DNAH3: variants seen among roughly 807,000 people sequenced by gnomAD.
DNAH3 encodes the protein axonemal beta dynein heavy chain 3.
A neutral mutation model predicts 432.5 loss-of-function variants in DNAH3; 332 were observed. The observed-to-expected ratio is 0.77, with a 90% CI of 0.70 to 0.84. The LOEUF (loss-of-function observed/expected upper bound fraction) is 0.84. Ranked by LOEUF, DNAH3 falls within the 40% of genes least tolerant of loss-of-function variation. DNAH3 has a pLI of 0.00. For synonymous variants in DNAH3, 1,956 were observed against 1,900.2 expected (o/e 1.03, Z -0.76); for missense variants, 4,861 against 5,114.0 (o/e 0.95, Z 1.51).
At chr16:20,987,496 A>G (rs1370515577) in intron 46 of DNAH3, 48 bp from the exon 47 acceptor site, 1 of 1,609,332 alleles carries the variant, frequency 6.2e-7, no homozygotes, top group Non-Finnish European at 8.5e-7. Context: ...ATGGTCCCTG[A>G]GGTGGTAGTT....
At chr16:21,025,826 T>G (rs1290730068) in intron 38 of DNAH3, among the ~76,000 whole-genome samples, 1 of 150,610 alleles carries the variant, frequency 6.6e-6, no homozygotes, top group African/African-American at 2.4e-5. Flanking sequence ...TTTTGCCTCC[T>G]GGGTTCAAGC....
intron 14 of DNAH3, among the ~76,000 whole-genome samples, chr16:21,111,077 G>A (rs1440044066): frequency 6.6e-6 from 1 of 152,060 alleles, no homozygotes; most frequent in Non-Finnish European, 1.5e-5. Flanking sequence ...AGCTACTCAG[G>A]TGGCTGAGGC....
rs71377696 is a variant in DNAH3, at chr16:20,937,529, C to CTTT, written c.11655-679_11655-677dup. Among the ~76,000 whole-genome samples, 98 of 121,286 alleles carry CTTT rather than the reference C, an allele frequency of 8.1e-4. 1 individual carries two copies. The highest frequency in any genetic ancestry group is 2.4e-3 in the South Asian group (9 of 3,738). 79.6% of individuals were successfully genotyped at this position (121,286 alleles called of 152,430 possible). A position where few individuals can be genotyped will look rare whatever the true frequency, so the allele number is the denominator to read the frequency against. On this transcript the variant is annotated intron_variant, in intron 59 of 61. Coordinates refer to ENST00000261383, the Ensembl canonical transcript of DNAH3. The stretch of plus-strand genomic sequence containing the variant: ...TTCAATTCATATTGTCAAAGTTGTT[C>CTTT]TTTTTTTTTTTTTTTTTTTGAGACA...
intron 41 of DNAH3, among the ~76,000 whole-genome samples, chr16:21,015,667 T>C (rs1484708327): frequency 1.3e-5 from 2 of 152,232 alleles, no homozygotes; most frequent in African/African-American, 4.8e-5. Flanking sequence ...AAGTGGCATA[T>C]GGAAACTCTC....
At chr16:21,022,800 A>C (rs1420888263) in intron 39 of DNAH3, among the ~76,000 whole-genome samples, 1 of 150,862 alleles carries the variant, frequency 6.6e-6, no homozygotes, top group Non-Finnish European at 1.5e-5. Flanking sequence ...GCTGGAGTGC[A>C]ATGGTGTGAT....
intron 8 of DNAH3, 109 bp downstream of exon 9, chr16:21,127,578 G>T: frequency 7.6e-7 from 1 of 1,315,322 alleles, no homozygotes; most frequent in Non-Finnish European, 1.0e-6. Context: ...AAAAAGACAC[G>T]AAAGGATGCC....
rs752385860 is a variant in DNAH3 at position 20,964,500 on chromosome 16, T to TA, written c.9383_9384insT (p.Glu3128AspfsTer26). 1 of 1,614,186 alleles carries TA rather than the reference T, an allele frequency of 6.2e-7. No individual in the cohort carries two copies. The highest frequency in any genetic ancestry group is 8.5e-7 in the Non-Finnish European group (1 of 1,180,032). On this transcript the variant is annotated frameshift_variant, in exon 53 of 62. Coordinates refer to ENST00000261383, the Ensembl canonical transcript of DNAH3. LOFTEE classifies it high-confidence loss of function. Reference sequence around the variant, plus strand: ...AAGCATCCAGCTCTTCTCCAATGTTTTCAATCAAGACAGGGGTGCCTAACT... The same window carrying TA: ...AAGCATCCAGCTCTTCTCCAATGTTTATCAATCAAGACAGGGGTGCCTAACT...
At chr16:21,117,079 T>A in intron 12 of DNAH3, 124 bp downstream of exon 12, 1 of 637,834 alleles carries the variant, frequency 1.6e-6, no homozygotes, top group Non-Finnish European at 2.8e-6. Context: ...ATGTAAGTAT[T>A]GGCTATTCTT....
intron 58 of DNAH3, among the ~76,000 whole-genome samples, chr16:20,943,427 T>C (rs1301558203): frequency 6.6e-6 from 1 of 151,778 alleles, no homozygotes; most frequent in Non-Finnish European, 1.5e-5. Context: ...TCTCCTTATG[T>C]TGCCCAGGCT....
chr16:20,944,936 A>G (rs1596887770), intron 57 of DNAH3, among the ~76,000 whole-genome samples: 1 of 152,284 alleles, frequency 6.6e-6, no homozygotes, highest in Non-Finnish European at 1.5e-5. Context: ...CTTTGGACCC[A>G]AACAGAACTG....
chr16:21,002,965 T>TG, intron 42 of DNAH3, 139 bp downstream of exon 42: 1 of 661,660 alleles, frequency 1.5e-6, no homozygotes, highest in Non-Finnish European at 2.7e-6. Context: ...TTTTTGAAGG[T>TG]CCACTGCAGC....
Position 21,000,218 on chromosome 16 carries a change from C to T in DNAH3, c.6421+6G>A. The T allele has an allele frequency of 6.2e-7, 1 of 1,611,540 alleles. No homozygotes were observed. Among genetic ancestry groups the T allele is most frequent in the Non-Finnish European group, 8.5e-7 (1 of 1,178,446 alleles). ...GGTTGTGTCCAGACCCAGCCCAATG[C>T]CTTACCCACAAACACCACTGCTTTC... is the stretch of plus-strand genomic sequence containing the variant. On this transcript the variant is annotated splice_donor_region_variant and intron_variant, in intron 43 of 61. Transcript: ENST00000261383.
chr16:21,014,359 T>C (rs997546203), intron 41 of DNAH3, among the ~76,000 whole-genome samples: 1 of 152,192 alleles, frequency 6.6e-6, no homozygotes, highest in African/African-American at 2.4e-5. Context: ...AAAAATCATA[T>C]GATCACGTTA....
Position 21,091,186 on chromosome 16 carries a change from A to G in DNAH3, c.2666-4126T>C, listed in dbSNP as rs373263987. Reference sequence around the variant, plus strand: ...ATAATAATAATGTCTTGTATATTTAAAAGTTCTTAAAGAATAGATTATAAA... The same window carrying G: ...ATAATAATAATGTCTTGTATATTTAGAAGTTCTTAAAGAATAGATTATAAA... On this transcript the variant is annotated intron_variant, in intron 18 of 61. Coordinates refer to ENST00000261383, the Ensembl canonical transcript of DNAH3. 2.0e-5 allele frequency among the ~76,000 whole-genome samples: 3 copies of G among 152,238 alleles called. No homozygotes were observed. The South Asian group carries it at 6.2e-4, about 32-fold the overall frequency.
intron 27 of DNAH3, among the ~76,000 whole-genome samples, chr16:21,055,919 G>A (rs1457694458): frequency 6.6e-6 from 1 of 151,942 alleles, no homozygotes; most frequent in African/African-American, 2.4e-5. Flanking sequence ...CTAACTATTT[G>A]TAGAGATGGG....
intron 53 of DNAH3, among the ~76,000 whole-genome samples, chr16:20,962,686 A>G (rs1403673880): frequency 6.6e-6 from 1 of 152,064 alleles, no homozygotes; most frequent in Non-Finnish European, 1.5e-5. Context: ...GGGAGGGGGC[A>G]GGGTCTGTCA....
chr16:21,112,383 C>T (rs142134494), intron 12 of DNAH3, among the ~76,000 whole-genome samples: 2 of 152,138 alleles, frequency 1.3e-5, no homozygotes, highest in African/African-American at 2.4e-5. Context: ...GAGACATACT[C>T]GAGACTGGGA....
chr16:21,075,551 T>C lies in DNAH3; in HGVS notation c.2980A>G (p.Ile994Val). The C allele has an allele frequency of 1.9e-6, 3 of 1,613,272 alleles. 1 individual carries two copies. The South Asian group carries it at 3.3e-5, about 18-fold the overall frequency. ...TATTCCTTGCTGGCAGCTGCACCAA[T>C]GGGCTCCAATCTAAAGAGAGAACAC... Residue 994 changes from isoleucine to valine, a missense_variant, in exon 21 of 62, where the codon ATT becomes GTT. Transcript: ENST00000261383.
At chr16:21,029,945 T>C (rs1014952809) in intron 37 of DNAH3, among the ~76,000 whole-genome samples, 4 of 152,116 alleles carry the variant, frequency 2.6e-5, no homozygotes, top group African/African-American at 9.7e-5. Context: ...CACCTCAGCC[T>C]CCTGAGTAGC....
Sources: gnomAD v4.1 joint callset for allele counts (sites outside exome capture counted in the v4.1 genomes callset) on GRCh38, gnomAD v4.1.1 for gene constraint, MANE v1.5 for transcripts, NCBI Gene and HGNC (gene_info 2026-07-23, HGNC 2026-07-21) for gene names.